SEL1L3: variants seen among roughly 807,000 people sequenced by gnomAD.
SEL1L3 encodes protein sel-1 homolog 3.
A neutral mutation model predicts 142.8 loss-of-function variants in SEL1L3; 76 were observed. The observed-to-expected ratio is 0.53, with a 90% CI of 0.44 to 0.64. The LOEUF (loss-of-function observed/expected upper bound fraction) is 0.64. Ranked by LOEUF, SEL1L3 falls within the 30% of genes least tolerant of loss-of-function variation. The probability of loss-of-function intolerance (pLI) is 0.00; values close to 1 mark genes in which losing one functional copy is unlikely to be tolerated. For synonymous variants in SEL1L3, 504 were observed against 519.6 expected (o/e 0.97, Z 0.41); for missense variants, 1,262 against 1,381.7 (o/e 0.91, Z 1.37).
At chr4:25,829,395 C>T (rs1273080229) in intron 6 of SEL1L3, among the ~76,000 whole-genome samples, 2 of 152,198 alleles carry the variant, frequency 1.3e-5, no homozygotes, top group African/African-American at 4.8e-5. Context: ...CCCCAATAAA[C>T]CCACTGTAAA....
At chr4:25,775,730 G>A (rs1200776776) in intron 17 of SEL1L3, among the ~76,000 whole-genome samples, 1 of 152,196 alleles carries the variant, frequency 6.6e-6, no homozygotes, top group Non-Finnish European at 1.5e-5. Flanking sequence ...GATGAGATTT[G>A]CTAACTCCAC....
intron 1 of SEL1L3, among the ~76,000 whole-genome samples, chr4:25,860,065 G>A (rs1717583587): frequency 6.6e-6 from 1 of 152,204 alleles, no homozygotes; most frequent in African/African-American, 2.4e-5. Context: ...TTCAATCTCA[G>A]ACTGTATGGC....
chr4:25,733,479 A>G, the SEL1L3 span, among the ~76,000 whole-genome samples: 4 of 151,648 alleles, frequency 2.6e-5, no homozygotes, highest in Admixed American at 1.3e-4. Flanking sequence ...CAACATTGAT[A>G]AGATCATGTA....
chr4:25,772,852 C>T (rs570435132), intron 17 of SEL1L3, among the ~76,000 whole-genome samples: 28 of 152,264 alleles, frequency 1.8e-4, no homozygotes, highest in Middle Eastern at 3.4e-3. Flanking sequence ...GGCTGGAATG[C>T]AGTGGCTCAA....
chr4:25,827,460 G>A (rs1202619843), intron 6 of SEL1L3, among the ~76,000 whole-genome samples: 2 of 152,162 alleles, frequency 1.3e-5, no homozygotes, highest in African/African-American at 2.4e-5. Flanking sequence ...AGGAGAGACC[G>A]GGAGCAAATC....
Position 25,767,614 on chromosome 4 carries a change from G to A in SEL1L3, c.2761-5C>T, listed in dbSNP as rs146637686. The A allele has an allele frequency of 1.0e-2, 15,773 of 1,581,530 alleles. 181 individuals carry two copies. The highest frequency in any genetic ancestry group is 0.01 in the Non-Finnish European group (11,922 of 1,156,786). ...CAAGTATCTCCTGGCCAGGTCCTAA[G>A]GGGTAAAGGGAAGAAAAAGTTAATT... On this transcript the variant is annotated splice_region_variant and splice_polypyrimidine_tract_variant and intron_variant, in intron 18 of 23. Transcript: ENST00000399878.
chr4:25,831,802 A>G (rs2109281376), intron 5 of SEL1L3, among the ~76,000 whole-genome samples: 1 of 152,202 alleles, frequency 6.6e-6, no homozygotes, highest in South Asian at 2.1e-4. Context: ...TACAGGCATG[A>G]GCCACCGCAC....
chr4:25,762,442 A>G (rs1023196960), intron 20 of SEL1L3, among the ~76,000 whole-genome samples: 2 of 152,250 alleles, frequency 1.3e-5, no homozygotes, highest in African/African-American at 2.4e-5. Context: ...AGTATGATCT[A>G]TCTTTTTATC....
intron 7 of SEL1L3, among the ~76,000 whole-genome samples, chr4:25,821,162 T>C (rs1023841716): frequency 6.6e-6 from 1 of 152,228 alleles, no homozygotes; most frequent in Non-Finnish European, 1.5e-5. Context: ...CAAATGACTA[T>C]TTCATTTTTT....
chr4:25,862,599 G>T, intron 1 of SEL1L3, 76 bp downstream of exon 1: 1 of 755,902 alleles, frequency 1.3e-6, no homozygotes, highest in Non-Finnish European at 1.8e-6. Context: ...CGCGTGGCGG[G>T]TGTCCCCGGC....
chr4:25,781,386 C>A (rs2109169578), intron 15 of SEL1L3, among the ~76,000 whole-genome samples: 1 of 151,964 alleles, frequency 6.6e-6, no homozygotes, highest in East Asian at 1.9e-4. Flanking sequence ...ACCTGTAATC[C>A]CAGAACTTTG....
chr4:25,787,767 AC>A (rs1232190187), intron 13 of SEL1L3, among the ~76,000 whole-genome samples: 4 of 152,144 alleles, frequency 2.6e-5, no homozygotes, highest in South Asian at 2.1e-4. Flanking sequence ...TGGGACTTTC[AC>A]GCTTGTCTCC....
rs1300862747 is a variant in SEL1L3, at chr4:25,862,813, G to C, written c.24C>G (p.Leu8=). The part of the protein sequence containing the change: MQRRGAG[L]GWPRQQQQQP... ...GCTGCTGCTGCTGCCGCGGCCACCC[G>C]AGCCCCGCGCCGCGCCGCTGCATGG... Residue 8 remains leucine, a synonymous_variant, in exon 1 of 24, where the codon CTC becomes CTG. Transcript: ENST00000399878. 3.5e-6 allele frequency: 4 copies of C among 1,151,152 alleles called. No individual in the cohort carries two copies. Among genetic ancestry groups the C allele is most frequent in the Non-Finnish European group, 4.3e-6 (4 of 937,724 alleles). The allele number at this position is 1,151,152 out of a possible 1,614,324, so 71.3% of individuals were successfully genotyped here. A position where few individuals can be genotyped will look rare whatever the true frequency, so the allele number is the denominator to read the frequency against.
At chr4:25,739,721 A>C in the SEL1L3 span, among the ~76,000 whole-genome samples, 2 of 113,338 alleles carry the variant, frequency 1.8e-5, no homozygotes, top group Admixed American at 7.7e-5. Context: ...AACAAAAAAC[A>C]AAAAAAAAAC....
chr4:25,831,437 A>T (rs1485460295), intron 5 of SEL1L3, among the ~76,000 whole-genome samples: 3 of 151,014 alleles, frequency 2.0e-5, no homozygotes, highest in Admixed American at 2.0e-4. Flanking sequence ...CCAGCATAAA[A>T]TGCTATCTCC....
chr4:25,733,174 T>G, the SEL1L3 span, among the ~76,000 whole-genome samples: 1 of 152,180 alleles, frequency 6.6e-6, no homozygotes, highest in Non-Finnish European at 1.5e-5. Flanking sequence ...TTGCCAGATT[T>G]TCACTGGCAT....
At chr4:25,760,684 C>T (rs994558384) in intron 20 of SEL1L3, among the ~76,000 whole-genome samples, 5 of 152,106 alleles carry the variant, frequency 3.3e-5, no homozygotes, top group African/African-American at 9.7e-5. Flanking sequence ...TCTGACCTTG[C>T]CTCTGACCGC....
Position 25,758,047 on chromosome 4 carries a change from G to T in SEL1L3, c.3084-257C>A, listed in dbSNP as rs561234951. ...CTTAATTAAGAGTCAAGTCTGTTCT[G>T]CTGTGATGACAGCAAAAACTTAAAA... On this transcript the variant is annotated intron_variant, in intron 21 of 23. Transcript: ENST00000399878. Among the ~76,000 whole-genome samples the T allele has an allele frequency of 2.1e-3, 313 of 152,286 alleles. 3 individuals are homozygous for T. Among genetic ancestry groups the T allele is most frequent in the African/African-American group, 7.2e-3 (299 of 41,564 alleles).
At chr4:25,827,280 G>A (rs567824155) in intron 6 of SEL1L3, among the ~76,000 whole-genome samples, 10 of 152,066 alleles carry the variant, frequency 6.6e-5, no homozygotes, top group African/African-American at 9.7e-5. Context: ...TAGGGTGATC[G>A]CAGACATAAG....
Sources: gnomAD v4.1 joint callset for allele counts (sites outside exome capture counted in the v4.1 genomes callset) on GRCh38, gnomAD v4.1.1 for gene constraint, MANE v1.5 for transcripts, NCBI Gene and HGNC (gene_info 2026-07-23, HGNC 2026-07-21) for gene names.